The following GAPVD1 variants were observed in gnomAD, a reference collection of about 807,000 sequenced individuals.
GAPVD1 encodes the protein GTPase-activating protein and VPS9 domain-containing protein 1.
In GAPVD1, 35 loss-of-function variants were observed where a neutral mutation model predicts 155.5. The observed-to-expected ratio is 0.23, with a 90% CI of 0.17 to 0.30. GAPVD1 has a LOEUF of 0.30. Among genes scored for constraint, GAPVD1 ranks in the 10% least tolerant of loss-of-function variants. The probability of loss-of-function intolerance (pLI) is 1.00; values close to 1 mark genes in which losing one functional copy is unlikely to be tolerated. For synonymous variants in GAPVD1, 636 were observed against 619.7 expected (o/e 1.03, Z -0.39); for missense variants, 1,429 against 1,775.7 (o/e 0.80, Z 3.51).
chr9:125,344,052 A>C (rs1848200528), intron 19 of GAPVD1, among the ~76,000 whole-genome samples: 1 of 152,108 alleles, frequency 6.6e-6, no homozygotes, highest in African/African-American at 2.4e-5. Context: ...CTTTTTCATA[A>C]AGTAATTTAT....
chr9:125,360,324 T>C (rs1313706830), intron 26 of GAPVD1, among the ~76,000 whole-genome samples: 1 of 152,250 alleles, frequency 6.6e-6, no homozygotes, highest in East Asian at 1.9e-4. Context: ...TGGTTTGCTG[T>C]ATTTTAAAAT....
At position 125,307,870 on chromosome 9, in the gene GAPVD1, A is replaced by G; in HGVS notation, c.1431A>G (p.Arg477=). The G allele has an allele frequency of 6.2e-7, 1 of 1,603,490 alleles. No individual in the cohort carries two copies. The highest frequency in any genetic ancestry group is 8.5e-7 in the Non-Finnish European group (1 of 1,170,382). ...CCACTCCAGCAAATAAAAAGAATCG[A>G]TTACCTATAGGTAAAGAGAATTTCT... is the stretch of plus-strand genomic sequence containing the variant. ...PATTPANKKN[R]LPIATRSRSR... is the part of the protein sequence containing the mutation. The change falls in exon 8 of 28, where the codon CGA becomes CGG. Residue 477 remains arginine (R), a synonymous_variant. Coordinates refer to ENST00000297933, the MANE Select transcript of GAPVD1 (RefSeq NM_001282680.3).
chr9:125,309,718 A>G (rs907035255), intron 8 of GAPVD1, among the ~76,000 whole-genome samples: 37 of 152,176 alleles, frequency 2.4e-4, no homozygotes, highest in African/African-American at 8.9e-4. Context: ...TTTTTTCTCC[A>G]TTGTTGACTG....
rs115901216 is a variant in GAPVD1, at chr9:125,319,563, C to G, written c.1603-1870C>G. Among the ~76,000 whole-genome samples, 868 of 145,682 alleles carry G rather than the reference C, an allele frequency of 6.0e-3. 16 individuals carry two copies. Among genetic ancestry groups the G allele is most frequent in the African/African-American group, 0.021 (813 of 39,324 alleles). ...ACAGGTGTGTGCCACGACGCCTGGC[C>G]TATGTCTATTAATTTCAAGCAAATA... On this transcript the variant is annotated intron_variant, in intron 9 of 27. Coordinates refer to ENST00000297933, the MANE Select transcript of GAPVD1 (RefSeq NM_001282680.3).
At chr9:125,283,459 A>G (rs1452439283) in intron 2 of GAPVD1, among the ~76,000 whole-genome samples, 1 of 152,110 alleles carries the variant, frequency 6.6e-6, no homozygotes, top group Non-Finnish European at 1.5e-5. Context: ...CCCCGGCTCA[A>G]GTGATCCTCT....
At chr9:125,316,193 G>A (rs1843396885) in intron 9 of GAPVD1, among the ~76,000 whole-genome samples, 1 of 152,050 alleles carries the variant, frequency 6.6e-6, no homozygotes, top group African/African-American at 2.4e-5. Context: ...ACATTTATTT[G>A]TTTATTTTTT....
At chr9:125,333,508 G>A (rs1846398794) in intron 15 of GAPVD1, among the ~76,000 whole-genome samples, 1 of 122,220 alleles carries the variant, frequency 8.2e-6, no homozygotes, top group South Asian at 2.7e-4. Context: ...TTTTTTTTGA[G>A]ACAGAGTTTT....
At chr9:125,262,288 G>A (rs919962262) in intron 1 of GAPVD1, among the ~76,000 whole-genome samples, 2 of 152,194 alleles carry the variant, frequency 1.3e-5, no homozygotes, top group African/African-American at 4.8e-5. Flanking sequence ...GGCCCGGCAG[G>A]TAGGGAACTG....
chr9:125,320,751 G>A (rs1481199699), intron 9 of GAPVD1, among the ~76,000 whole-genome samples: 2 of 151,608 alleles, frequency 1.3e-5, no homozygotes, highest in South Asian at 2.1e-4. Flanking sequence ...TCAGCCTCCC[G>A]AGTAGCTGGG....
chr9:125,354,707 C>A lies in GAPVD1; in HGVS notation c.3623C>A (p.Thr1208Asn). ...ACTCGTTGTCGACAAGGACTACAGA[C>A]CACACAGGCTCACCTGGAAAGGCTA... ...YLTRCRQGLQ[T>N]TQAHLERLLQ... The change falls in exon 24 of 28, where the codon ACC becomes AAC. Residue 1208 changes from threonine to asparagine, a missense_variant. Coordinates refer to ENST00000297933, the MANE Select transcript of GAPVD1 (RefSeq NM_001282680.3). The A allele has an allele frequency of 1.2e-6, 2 of 1,613,564 alleles. No homozygotes were observed. Among genetic ancestry groups the A allele is most frequent in the South Asian group, 1.1e-5 (1 of 91,076 alleles).
At chr9:125,344,441 T>C (rs1589065999) in intron 19 of GAPVD1, among the ~76,000 whole-genome samples, 1 of 152,238 alleles carries the variant, frequency 6.6e-6, no homozygotes, top group South Asian at 2.1e-4. Flanking sequence ...CTCTTACTAA[T>C]GGCTATTTAA....
chr9:125,327,278 G>A (rs185776067), intron 12 of GAPVD1, among the ~76,000 whole-genome samples: 86 of 151,792 alleles, frequency 5.7e-4, no homozygotes, highest in African/African-American at 2.0e-3. Context: ...TATGAGTTCT[G>A]AAAGATATAT....
chr9:125,315,003 A>G (rs1344354868), intron 9 of GAPVD1, among the ~76,000 whole-genome samples: 12 of 152,010 alleles, frequency 7.9e-5, no homozygotes, highest in South Asian at 2.1e-4. Flanking sequence ...TAGCCAGGAT[A>G]GTCTCGATCT....
At chr9:125,346,416 T>C (rs1391296477) in intron 19 of GAPVD1, 2 of 230,730 alleles carry the variant, frequency 8.7e-6, no homozygotes, top group South Asian at 6.3e-5. Flanking sequence ...ATTTGAATAG[T>C]TTTTTTTCCT....
intron 9 of GAPVD1, among the ~76,000 whole-genome samples, chr9:125,315,328 T>C (rs1468343029): frequency 6.6e-6 from 1 of 152,164 alleles, no homozygotes; most frequent in Non-Finnish European, 1.5e-5. Context: ...TGGAATCTAA[T>C]AAAAAACTTT....
chr9:125,268,194 A>ACCCC (rs34598150), intron 1 of GAPVD1, among the ~76,000 whole-genome samples: 1 of 112,416 alleles, frequency 8.9e-6, no homozygotes, highest in African/African-American at 3.4e-5. Context: ...CAAACAAACA[A>ACCCC]CCCCCCCCCC....
intron 1 of GAPVD1, among the ~76,000 whole-genome samples, chr9:125,267,571 A>G (rs1245132147): frequency 2.0e-5 from 3 of 151,918 alleles, no homozygotes; most frequent in Admixed American, 2.0e-4. Flanking sequence ...CACCATGCCC[A>G]GCTAATTTTG....
At chr9:125,290,408 A>G (rs1287529152) in intron 2 of GAPVD1, among the ~76,000 whole-genome samples, 3 of 152,150 alleles carry the variant, frequency 2.0e-5, no homozygotes, top group South Asian at 2.1e-4. Context: ...AGGATTGGCA[A>G]TGACCAGTAG....
chr9:125,351,253 T>G (rs1025573246), intron 23 of GAPVD1, among the ~76,000 whole-genome samples: 5 of 152,214 alleles, frequency 3.3e-5, no homozygotes, highest in Non-Finnish European at 7.3e-5. Context: ...AGGAAAGACC[T>G]GTCCCCATTG....
Sources: gnomAD v4.1 joint callset for allele counts (sites outside exome capture counted in the v4.1 genomes callset) on GRCh38, gnomAD v4.1.1 for gene constraint, MANE v1.5 for transcripts, NCBI Gene and HGNC (gene_info 2026-07-23, HGNC 2026-07-21) for gene names.